TRPM3: variants seen among roughly 807,000 people sequenced by gnomAD.
TRPM3 encodes transient receptor potential cation channel subfamily M member 3, also known as long transient receptor potential channel 3.
In TRPM3, 77 loss-of-function variants were observed where a neutral mutation model predicts 181.2. The observed-to-expected ratio is 0.42, with a 90% CI of 0.35 to 0.51. TRPM3 has a LOEUF of 0.51. Among genes scored for constraint, TRPM3 ranks in the 20% least tolerant of loss-of-function variants. The pLI, the probability that TRPM3 is intolerant of heterozygous loss-of-function variation, is 0.01. For missense variants in TRPM3, 1,759 were observed against 2,196.7 expected (o/e 0.80, Z 3.98); for synonymous variants, 745 against 796.4 (o/e 0.94, Z 1.09).
At chr9:71,116,091 T>C (rs908594257) in intron 1 of TRPM3, among the ~76,000 whole-genome samples, 2 of 152,248 alleles carry the variant, frequency 1.3e-5, no homozygotes, top group Admixed American at 6.5e-5. Flanking sequence ...CAATACATCA[T>C]GTTTTCCTAA....
At chr9:70,773,864 T>A (rs1482592202) in intron 7 of TRPM3, among the ~76,000 whole-genome samples, 1 of 152,218 alleles carries the variant, frequency 6.6e-6, no homozygotes, top group African/African-American at 2.4e-5. Context: ...TTATTTTTCC[T>A]GTTGGTTTCA....
chr9:70,770,173 A>G (rs2079945514), intron 7 of TRPM3, among the ~76,000 whole-genome samples: 1 of 152,194 alleles, frequency 6.6e-6, no homozygotes. Context: ...TGGGAGGCTG[A>G]GGTGGCAGGA....
chr9:71,150,370 G>A (rs777876981), intron 1 of TRPM3, among the ~76,000 whole-genome samples: 50 of 152,226 alleles, frequency 3.3e-4, no homozygotes, highest in Admixed American at 1.6e-3. Flanking sequence ...AACTGACCCA[G>A]ATGAGCAGAG....
intron 8 of TRPM3, among the ~76,000 whole-genome samples, chr9:70,745,933 A>G (rs2075086826): frequency 6.6e-6 from 1 of 152,152 alleles, no homozygotes; most frequent in African/African-American, 2.4e-5. Context: ...AACAAGAAAC[A>G]TCTGTGTTTA....
intron 1 of TRPM3, among the ~76,000 whole-genome samples, chr9:71,237,466 G>C (rs1340620335): frequency 6.6e-6 from 1 of 152,054 alleles, no homozygotes; most frequent in Non-Finnish European, 1.5e-5. Context: ...GGGAAAAAAG[G>C]GTGTGGATAG....
chr9:70,934,849 G>A (rs755947676), intron 1 of TRPM3, among the ~76,000 whole-genome samples: 33 of 152,042 alleles, frequency 2.2e-4, no homozygotes, highest in East Asian at 5.8e-4. Context: ...AATGAATTGC[G>A]CAATGGAATG....
At position 71,211,855 on chromosome 9, in the gene TRPM3, G is replaced by A. The variant is rs560311803; in HGVS notation, c.183+234798C>T. ...TGATCCGATTTCCAAATAAGGTCACGTTCTGAGGTACTGTGGGTTAGGACT... is the reference window on the plus strand; with the variant it reads ...TGATCCGATTTCCAAATAAGGTCACATTCTGAGGTACTGTGGGTTAGGACT... On this transcript the variant is annotated intron_variant, in intron 1 of 24. Coordinates refer to the TRPM3 transcript ENST00000357533. Among the ~76,000 whole-genome samples, 13 of 152,232 alleles carry A rather than the reference G, an allele frequency of 8.5e-5. No homozygotes were observed. In the South Asian group the frequency reaches 2.1e-3, roughly 24 times the overall value.
chr9:70,738,321 C>T (rs1265719419), intron 8 of TRPM3, among the ~76,000 whole-genome samples: 8 of 152,172 alleles, frequency 5.3e-5, no homozygotes, highest in Middle Eastern at 3.4e-3. Flanking sequence ...ATGGGTGCAG[C>T]GCACCAGCAT....
intron 1 of TRPM3, among the ~76,000 whole-genome samples, chr9:71,103,026 AT>A (rs1254940687): frequency 6.6e-6 from 1 of 152,046 alleles, no homozygotes; most frequent in Non-Finnish European, 1.5e-5. Flanking sequence ...AGGGATAAAA[AT>A]TTTTTTTAGT....
intron 1 of TRPM3, among the ~76,000 whole-genome samples, chr9:71,373,602 C>A (rs1334404779): frequency 1.3e-5 from 2 of 151,952 alleles, no homozygotes; most frequent in Non-Finnish European, 2.9e-5. Flanking sequence ...CTGAATAGAC[C>A]AATAACAAGT....
chr9:71,153,758 C>T (rs1308485781), intron 1 of TRPM3, among the ~76,000 whole-genome samples: 1 of 152,136 alleles, frequency 6.6e-6, no homozygotes, highest in Non-Finnish European at 1.5e-5. Flanking sequence ...TTTGCACCCT[C>T]ATTGACTTGA....
intron 1 of TRPM3, among the ~76,000 whole-genome samples, chr9:71,134,208 C>T (rs2074608301): frequency 6.6e-6 from 1 of 152,076 alleles, no homozygotes; most frequent in African/African-American, 2.4e-5. Context: ...ATCTTCGGTT[C>T]CATAATATAA....
chr9:70,852,720 C>T (rs2095273364), intron 3 of TRPM3, among the ~76,000 whole-genome samples: 1 of 152,094 alleles, frequency 6.6e-6, no homozygotes, highest in Admixed American at 6.6e-5. Context: ...CCATTCTTGC[C>T]CTCAGCATCC....
chr9:71,132,317 GGGAACCACA>G (rs536915815), intron 1 of TRPM3, among the ~76,000 whole-genome samples: 532 of 152,258 alleles, frequency 3.5e-3, no homozygotes, highest in Non-Finnish European at 5.8e-3. Context: ...AATTCTTGGA[GGGAACCACA>G]CACTGAGCAT....
At chr9:71,248,558 T>A (rs1431700512) in intron 1 of TRPM3, among the ~76,000 whole-genome samples, 1 of 152,184 alleles carries the variant, frequency 6.6e-6, no homozygotes, top group Admixed American at 6.5e-5. Context: ...AGAGAACATA[T>A]TTTTCCTCAT....
chr9:70,987,526 C>A (rs915274524), intron 1 of TRPM3, among the ~76,000 whole-genome samples: 1 of 151,934 alleles, frequency 6.6e-6, no homozygotes, highest in Non-Finnish European at 1.5e-5. Context: ...TATTTTATTC[C>A]CCAATATTCC....
intron 1 of TRPM3, among the ~76,000 whole-genome samples, chr9:70,997,125 C>T (rs2097547522): frequency 6.6e-6 from 1 of 152,194 alleles, no homozygotes; most frequent in South Asian, 2.1e-4. Flanking sequence ...TTTATAACTT[C>T]AGAAATGCAC....
chr9:71,336,156 C>G (rs1261656452), intron 1 of TRPM3, among the ~76,000 whole-genome samples: 1 of 149,298 alleles, frequency 6.7e-6, no homozygotes, highest in Non-Finnish European at 1.5e-5. Context: ...TATACATGCT[C>G]AGGGCAAGAC....
At chr9:70,828,138 T>A (rs757450288) in intron 5 of TRPM3, 120 bp from the exon 6 acceptor site, 2 of 989,576 alleles carry the variant, frequency 2.0e-6, no homozygotes, top group African/African-American at 1.6e-5. Flanking sequence ...ACAGTGAAAG[T>A]ACAGTCTACA....
Sources: gnomAD v4.1 joint callset for allele counts (sites outside exome capture counted in the v4.1 genomes callset) on GRCh38, gnomAD v4.1.1 for gene constraint, MANE v1.5 for transcripts, NCBI Gene and HGNC (gene_info 2026-07-23, HGNC 2026-07-21) for gene names.